The following SPOCK1 variants were observed in gnomAD, a reference collection of about 807,000 sequenced individuals.
SPOCK1 encodes SPARC (osteonectin), cwcv and kazal like domains proteoglycan 1, also known as testican-1.
SPOCK1 carries 23 observed loss-of-function variants against 55.3 expected under a neutral mutation model. That is an observed-to-expected ratio of 0.42 (90% CI 0.30 to 0.59). SPOCK1 has a LOEUF of 0.59. SPOCK1 is among the 20% of genes least tolerant of loss of function. The pLI is 0.22. For missense variants in SPOCK1, 499 were observed against 552.5 expected (o/e 0.90, Z 0.97); for synonymous variants, 226 against 221.0 (o/e 1.02, Z -0.20).
chr5:137,425,786 T>C (rs1337206282), intron 2 of SPOCK1, among the ~76,000 whole-genome samples: 1 of 152,140 alleles, frequency 6.6e-6, no homozygotes, highest in African/African-American at 2.4e-5. Context: ...ATGAAAATGT[T>C]TTCATGGTAA....
chr5:137,390,810 C>T lies in SPOCK1; in HGVS notation c.186+107563G>A, dbSNP rs779418745. ...AGAAGCCAGAGGTCAACTGTCTGAA[C>T]CAAGGCCTGCAGTTAGGGAGTAGCT... On this transcript the variant is annotated intron_variant, in intron 2 of 10. Coordinates refer to ENST00000394945, the MANE Select transcript of SPOCK1 (RefSeq NM_004598.4). 2.6e-5 allele frequency among the ~76,000 whole-genome samples: 4 copies of T among 152,170 alleles called. No individual in the cohort carries two copies. The South Asian group carries it at 8.3e-4, about 32-fold the overall frequency.
At chr5:137,461,275 T>A (rs1448146559) in intron 2 of SPOCK1, among the ~76,000 whole-genome samples, 1 of 152,222 alleles carries the variant, frequency 6.6e-6, no homozygotes, top group Non-Finnish European at 1.5e-5. Context: ...TTTAAGGGTA[T>A]GTGATGCTCA....
intron 2 of SPOCK1, among the ~76,000 whole-genome samples, chr5:137,335,087 G>C (rs1170515909): frequency 6.6e-6 from 1 of 152,186 alleles, no homozygotes; most frequent in African/African-American, 2.4e-5. Flanking sequence ...GGAAATTTGG[G>C]AAGACAATGG....
chr5:137,404,810 C>T (rs188983524), intron 2 of SPOCK1, among the ~76,000 whole-genome samples: 44 of 152,210 alleles, frequency 2.9e-4, no homozygotes, highest in Middle Eastern at 3.4e-3. Context: ...TGCTCCCATG[C>T]TAATTAGTTT....
At chr5:137,344,009 G>A (rs1025523726) in intron 2 of SPOCK1, among the ~76,000 whole-genome samples, 5 of 152,188 alleles carry the variant, frequency 3.3e-5, no homozygotes, top group African/African-American at 1.2e-4. Flanking sequence ...TCCCCACAGT[G>A]AGTATTGTCT....
chr5:137,066,987 C>CACACACACACAGAG lies in SPOCK1; in HGVS notation c.589+727_589+728insCTCTGTGTGTGTGT, dbSNP rs1343691789. Among the ~76,000 whole-genome samples, 68 of 139,658 alleles carry CACACACACACAGAG rather than the reference C, an allele frequency of 4.9e-4. No individual in the cohort carries two copies. The East Asian group carries it at 9.0e-3, about 19-fold the overall frequency. The allele number at this position is 139,658 out of a possible 152,430, so 91.6% of individuals were successfully genotyped here. A position where few individuals can be genotyped will look rare whatever the true frequency, so the allele number is the denominator to read the frequency against. On this transcript the variant is annotated intron_variant, in intron 6 of 10. Coordinates refer to ENST00000394945, the MANE Select transcript of SPOCK1 (RefSeq NM_004598.4). The stretch of plus-strand genomic sequence containing the variant: ...ATACACACACACACACACACACACA[C>CACACACACACAGAG]AGAGAGAGAGAGAGAGAGAGAGAAA...
intron 2 of SPOCK1, among the ~76,000 whole-genome samples, chr5:137,486,095 T>C (rs1283919405): frequency 6.6e-6 from 1 of 152,234 alleles, no homozygotes; most frequent in East Asian, 1.9e-4. Flanking sequence ...CCAACAGCCC[T>C]GACAAGGCTA....
chr5:137,090,205 C>A (rs541441964), intron 5 of SPOCK1, among the ~76,000 whole-genome samples: 1 of 152,342 alleles, frequency 6.6e-6, no homozygotes, highest in Non-Finnish European at 1.5e-5. Context: ...TTGAGCCTGC[C>A]TCAGGAACAA....
chr5:136,984,711 T>C (rs1168091387), intron 9 of SPOCK1, among the ~76,000 whole-genome samples: 3 of 152,220 alleles, frequency 2.0e-5, no homozygotes, highest in African/African-American at 4.8e-5. Context: ...CAACCCTGTT[T>C]GATAAATTCT....
chr5:137,051,523 C>T (rs1362302059), intron 6 of SPOCK1, among the ~76,000 whole-genome samples: 1 of 152,108 alleles, frequency 6.6e-6, no homozygotes, highest in East Asian at 1.9e-4. Context: ...GATTTATAAA[C>T]ACATATCAAT....
intron 2 of SPOCK1, among the ~76,000 whole-genome samples, chr5:137,457,791 C>G (rs939228395): frequency 6.6e-6 from 1 of 152,138 alleles, no homozygotes; most frequent in African/African-American, 2.4e-5. Context: ...CTTGTCTAAT[C>G]ATCCCAGAGG....
intron 2 of SPOCK1, among the ~76,000 whole-genome samples, chr5:137,405,481 G>T (rs889025283): frequency 6.6e-6 from 1 of 152,140 alleles, no homozygotes; most frequent in African/African-American, 2.4e-5. Flanking sequence ...GGGTCCTCCT[G>T]CGGGTAGCCC....
At chr5:137,316,385 T>C (rs1221035543) in intron 2 of SPOCK1, among the ~76,000 whole-genome samples, 1 of 152,234 alleles carries the variant, frequency 6.6e-6, no homozygotes, top group Non-Finnish European at 1.5e-5. Context: ...GAAGTTTGTC[T>C]TTCCTGAGCA....
chr5:137,357,089 G>T (rs990145207), intron 2 of SPOCK1, among the ~76,000 whole-genome samples: 1 of 151,492 alleles, frequency 6.6e-6, no homozygotes, highest in African/African-American at 2.4e-5. Context: ...CAAAGAACTG[G>T]TTTCTGCTCT....
At chr5:137,184,006 A>G (rs550639606) in intron 3 of SPOCK1, among the ~76,000 whole-genome samples, 7 of 152,326 alleles carry the variant, frequency 4.6e-5, no homozygotes, top group African/African-American at 1.4e-4. Flanking sequence ...GATGCCCGAC[A>G]TTATTGACTG....
chr5:137,440,571 C>T (rs1014967217), intron 2 of SPOCK1, among the ~76,000 whole-genome samples: 1 of 152,196 alleles, frequency 6.6e-6, no homozygotes, highest in South Asian at 2.1e-4. Flanking sequence ...ACTTAAGCAC[C>T]ATCCAGTGGG....
In SPOCK1 at chr5:137,351,200, C is replaced by T. The variant is rs114405734; in HGVS notation, c.187-84145G>A. 6.0e-3 allele frequency among the ~76,000 whole-genome samples: 907 copies of T among 152,324 alleles called. 13 individuals carry two copies. Among genetic ancestry groups the T allele is most frequent in the African/African-American group, 0.021 (870 of 41,572 alleles). ...CTGGGTTGGAAAGGTAGACCTTCTG[C>T]ACTGGATCCCCACCTCCCACCAGAG... On this transcript the variant is annotated intron_variant, in intron 2 of 10. Coordinates refer to ENST00000394945, the MANE Select transcript of SPOCK1 (RefSeq NM_004598.4).
intron 6 of SPOCK1, among the ~76,000 whole-genome samples, chr5:137,023,104 C>T (rs897246716): frequency 1.3e-5 from 2 of 152,148 alleles, no homozygotes; most frequent in Non-Finnish European, 2.9e-5. Context: ...TCTTTGTTAC[C>T]TGGGACAACT....
chr5:137,143,269 G>T (rs759418634), intron 3 of SPOCK1, among the ~76,000 whole-genome samples: 1 of 152,196 alleles, frequency 6.6e-6, no homozygotes. Context: ...GTCAAAATCT[G>T]CAGTACTACA....
Sources: gnomAD v4.1 joint callset for allele counts (sites outside exome capture counted in the v4.1 genomes callset) on GRCh38, gnomAD v4.1.1 for gene constraint, MANE v1.5 for transcripts, NCBI Gene and HGNC (gene_info 2026-07-23, HGNC 2026-07-21) for gene names.